Variants in PTPN4 observed in about 807,000 individuals in gnomAD.
PTPN4 encodes tyrosine-protein phosphatase non-receptor type 4.
PTPN4 carries 49 observed loss-of-function variants against 135.5 expected under a neutral mutation model. The ratio of observed to expected loss-of-function variants is 0.36; its 90% CI spans 0.29 to 0.46. The LOEUF is 0.46. PTPN4 is among the 20% of genes least tolerant of loss of function. The probability of loss-of-function intolerance (pLI) is 1.00; values close to 1 mark genes in which losing one functional copy is unlikely to be tolerated. For missense variants in PTPN4, 860 were observed against 1,101.0 expected (o/e 0.78, Z 3.10); for synonymous variants, 333 against 369.9 (o/e 0.90, Z 1.14).
In PTPN4 at chr2:119,965,581, G is replaced by T. The variant is rs1317947391; in HGVS notation, c.2494G>T (p.Asp832Tyr). ...GVPDDSSDFLDFVCHVRNKRA... is the reference protein window; with the variant it reads ...GVPDDSSDFLYFVCHVRNKRA... ...CCCTGATGATTCGAGTGACTTTCTA[G>T]ATTTTGTTTGTCATGTACGAAACAA... The change falls in exon 25 of 27, where the codon GAT (aspartate) becomes TAT (tyrosine). Residue 832 changes from aspartate (D) to tyrosine (Y), a missense_variant. Asp to Tyr is a radical substitution (Grantham distance 160). Around this residue, in one of 2 missense-constraint regions of PTPN4, gnomAD observed 176 missense variants for 294.1 expected, o/e 0.60. Transcript: ENST00000263708. 6.2e-7 allele frequency: 1 copy of T among 1,614,076 alleles called. No homozygotes were observed. Among genetic ancestry groups the T allele is most frequent in the South Asian group, 1.1e-5 (1 of 91,066 alleles).
chr2:119,892,357 G>A (rs370212693), intron 9 of PTPN4, among the ~76,000 whole-genome samples: 63 of 152,238 alleles, frequency 4.1e-4, no homozygotes, highest in Non-Finnish European at 8.5e-4. Flanking sequence ...ATTTTGAGTT[G>A]TACATTTAAG....
chr2:119,938,424 G>T (rs1219467536), intron 15 of PTPN4, among the ~76,000 whole-genome samples: 1 of 152,074 alleles, frequency 6.6e-6, no homozygotes, highest in Non-Finnish European at 1.5e-5. Context: ...ACCATGCCTG[G>T]CTAATGTGGG....
At chr2:119,941,482 A>G (rs980239003) in intron 15 of PTPN4, among the ~76,000 whole-genome samples, 6 of 151,842 alleles carry the variant, frequency 4.0e-5, no homozygotes, top group Admixed American at 3.3e-4. Context: ...TATTGAAATT[A>G]GAAGTATAGA....
chr2:119,888,909 T>C (rs1678197932), intron 9 of PTPN4, among the ~76,000 whole-genome samples: 1 of 152,204 alleles, frequency 6.6e-6, no homozygotes, highest in African/African-American at 2.4e-5. Flanking sequence ...AGGAATGTTA[T>C]TACTTCTTTG....
intron 3 of PTPN4, among the ~76,000 whole-genome samples, chr2:119,867,072 A>C (rs1177870538): frequency 6.6e-6 from 1 of 152,160 alleles, no homozygotes; most frequent in Non-Finnish European, 1.5e-5. Flanking sequence ...GCTGAATTTG[A>C]AGAACTGGAA....
At chr2:119,900,868 T>C (rs1218277637) in intron 10 of PTPN4, 62 bp downstream of exon 10, 17 of 968,246 alleles carry the variant, frequency 1.8e-5, no homozygotes, top group Non-Finnish European at 2.6e-5. Context: ...ATAATTTATA[T>C]TAAAGGCAGT....
intron 9 of PTPN4, among the ~76,000 whole-genome samples, chr2:119,898,570 TC>T (rs1206261166): frequency 6.6e-6 from 1 of 152,144 alleles, no homozygotes; most frequent in Non-Finnish European, 1.5e-5. Context: ...TGCCTAAGAA[TC>T]CAATAAATAG....
At chr2:119,871,353 A>G (rs1377555074) in intron 3 of PTPN4, among the ~76,000 whole-genome samples, 1 of 152,002 alleles carries the variant, frequency 6.6e-6, no homozygotes, top group African/African-American at 2.4e-5. Flanking sequence ...ACTATTTTTA[A>G]TAGGAAATAG....
chr2:119,782,874 T>TA (rs113844450), intron 1 of PTPN4, among the ~76,000 whole-genome samples: 46,622 of 145,980 alleles, frequency 0.32, 7,491 homozygotes, highest in African/African-American at 0.38. Flanking sequence ...CCCGGCTAAT[T>TA]AAAAAAAAAA....
intron 16 of PTPN4, 24 bp from the exon 17 acceptor site, chr2:119,946,317 G>GTA: frequency 6.6e-7 from 1 of 1,511,626 alleles, no homozygotes; most frequent in South Asian, 1.2e-5. Flanking sequence ...AAAATTACAA[G>GTA]TTATTTAATT....
intron 11 of PTPN4, 97 bp downstream of exon 11, chr2:119,915,339 C>A: frequency 2.0e-6 from 2 of 995,142 alleles, no homozygotes; most frequent in Non-Finnish European, 2.9e-6. Context: ...AGTGAAAGTG[C>A]AATTAATACT....
At chr2:119,927,859 T>G (rs1678848396) in intron 13 of PTPN4, among the ~76,000 whole-genome samples, 1 of 152,204 alleles carries the variant, frequency 6.6e-6, no homozygotes, top group African/African-American at 2.4e-5. Context: ...CTTCCTTCTT[T>G]GTGTTTCTGG....
intron 15 of PTPN4, among the ~76,000 whole-genome samples, chr2:119,939,677 A>C (rs1574413650): frequency 6.6e-6 from 1 of 151,972 alleles, no homozygotes; most frequent in Non-Finnish European, 1.5e-5. Flanking sequence ...TATCTAATGA[A>C]TCTCCGCAGC....
At position 119,764,243 on chromosome 2, in the gene PTPN4, C is replaced by G. The variant is rs115920574; in HGVS notation, c.-18+3859C>G. 3.3e-3 allele frequency among the ~76,000 whole-genome samples: 506 copies of G among 152,304 alleles called. 1 individual carries two copies. The highest frequency in any genetic ancestry group is 0.012 in the African/African-American group (480 of 41,562). ...AAACATTGTGTAACTCAAGGCAGTA[C>G]TTTATGATGGAACAAAGTTTGAATC... On this transcript the variant is annotated intron_variant, in intron 1 of 26. Transcript: ENST00000263708.
At position 119,927,206 on chromosome 2, in the gene PTPN4, T is replaced by C. The variant is rs190386950; in HGVS notation, c.1070+540T>C. 3.2e-3 allele frequency among the ~76,000 whole-genome samples: 487 copies of C among 151,314 alleles called. 2 individuals are homozygous for C. Among genetic ancestry groups the C allele is most frequent in the African/African-American group, 0.011 (460 of 41,276 alleles). ...TCAGCTCACTGCAACCTCTGCCTTC[T>C]GGGTTCAAGTGATTCTCCTGCCTCA... On this transcript the variant is annotated intron_variant, in intron 13 of 26. Coordinates refer to ENST00000263708, the MANE Select transcript of PTPN4 (RefSeq NM_002830.4).
At chr2:119,934,988 T>A in intron 15 of PTPN4, 30 bp downstream of exon 15, 1 of 1,567,732 alleles carries the variant, frequency 6.4e-7, no homozygotes, top group Non-Finnish European at 8.7e-7. Flanking sequence ...GCTTCCTCTG[T>A]ATTTTCAAAT....
At chr2:119,789,120 T>C (rs1691095414) in intron 1 of PTPN4, among the ~76,000 whole-genome samples, 1 of 151,878 alleles carries the variant, frequency 6.6e-6, no homozygotes, top group Non-Finnish European at 1.5e-5. Context: ...AGTAACCATC[T>C]AAATAAGTGT....
Position 119,879,158 on chromosome 2 carries a change from G to T in PTPN4, c.368+1616G>T, listed in dbSNP as rs114107008. On this transcript the variant is annotated intron_variant, in intron 5 of 26. Coordinates refer to ENST00000263708, the MANE Select transcript of PTPN4 (RefSeq NM_002830.4). ...TATGTATACACCTTAGCTTAATATT[G>T]TAGCCCTTAAAATATTGTCAGTTAA... Among the ~76,000 whole-genome samples, 507 of 151,348 alleles carry T rather than the reference G, an allele frequency of 3.3e-3. 5 individuals are homozygous for T. Among genetic ancestry groups the T allele is most frequent in the African/African-American group, 0.011 (452 of 41,288 alleles).
intron 2 of PTPN4, among the ~76,000 whole-genome samples, chr2:119,843,715 A>C (rs1430587780): frequency 7.3e-5 from 3 of 41,120 alleles, no homozygotes; most frequent in Admixed American, 1.9e-4. Flanking sequence ...GGCGCCCCTC[A>C]CCTCCCGGAC....
Sources: allele counts gnomAD v4.1 joint callset (sites outside exome capture counted in the v4.1 genomes callset), GRCh38; gene constraint gnomAD v4.1.1; regional missense constraint gnomAD v4.1.1; transcripts MANE v1.5; gene names NCBI Gene and HGNC (gene_info 2026-07-23, HGNC 2026-07-21).